The following KAZN variants were observed in gnomAD, a reference collection of about 807,000 sequenced individuals.
KAZN encodes the protein kazrin.
A neutral mutation model predicts 87.4 loss-of-function variants in KAZN; 40 were observed. The observed-to-expected ratio is 0.46, with a 90% CI of 0.36 to 0.60. The LOEUF (loss-of-function observed/expected upper bound fraction) is 0.60, where lower values mean the gene tolerates loss of function less well. Among genes scored for constraint, KAZN ranks in the 20% least tolerant of loss-of-function variants. The pLI is 0.00. For synonymous variants in KAZN, 466 were observed against 458.3 expected, an observed-to-expected ratio of 1.02 and a Z score of -0.22; for missense variants, 898 against 1,073.9, an observed-to-expected ratio of 0.84 and a Z score of 2.29.
intron 2 of KAZN, among the ~76,000 whole-genome samples, chr1:14,289,178 C>A (rs1653485580): frequency 6.6e-6 from 1 of 152,208 alleles, no homozygotes; most frequent in South Asian, 2.1e-4. Context: ...GTGGAGAGTT[C>A]TGTAGATGTC....
chr1:13,904,113 C>T (rs532540013), intron 1 of KAZN, among the ~76,000 whole-genome samples: 1 of 152,226 alleles, frequency 6.6e-6, no homozygotes, highest in African/African-American at 2.4e-5. Context: ...GAGCAGTTGT[C>T]TGAAAGGCTG....
At chr1:14,233,052 C>T (rs1301331735) in intron 2 of KAZN, among the ~76,000 whole-genome samples, 2 of 152,168 alleles carry the variant, frequency 1.3e-5, no homozygotes, top group Non-Finnish European at 2.9e-5. Context: ...TGGGGTCACT[C>T]TTGAGTTCTG....
chr1:14,417,325 G>A lies in KAZN; in HGVS notation c.250-181658G>A, dbSNP rs543727775. On this transcript the variant is annotated intron_variant, in intron 2 of 16. Coordinates refer to the KAZN transcript ENST00000636203. ...AATCCATTGCACCAGGCTACTGAGT[G>A]AACCCAATTGTTATCGAGAGCAAAA... Among the ~76,000 whole-genome samples the A allele has an allele frequency of 5.3e-5, 8 of 152,356 alleles. No homozygotes were observed. In the South Asian group the frequency reaches 1.7e-3, roughly 32 times the overall value.
intron 1 of KAZN, among the ~76,000 whole-genome samples, chr1:14,931,211 C>T (rs12563189): frequency 0.097 from 14,655 of 151,524 alleles, 916 homozygotes; most frequent in East Asian, 0.27. Context: ...CCGAAGCAGG[C>T]GGAGCACTTG....
chr1:14,905,707 G>A (rs1281494664), intron 1 of KAZN, among the ~76,000 whole-genome samples: 1 of 151,468 alleles, frequency 6.6e-6, no homozygotes, highest in Admixed American at 6.6e-5. Flanking sequence ...AGCTGGGCAT[G>A]GTGGCACGTG....
rs1666707345 is a variant in KAZN, at chr1:14,441,566, C to T, written c.250-157417C>T. ...AGGAACAGAGTTTGGAAAGCAGTGACTTATGCTGTTCTCATCAGATACGTT... is the reference window on the plus strand; with the variant it reads ...AGGAACAGAGTTTGGAAAGCAGTGATTTATGCTGTTCTCATCAGATACGTT... On this transcript the variant is annotated intron_variant, in intron 2 of 16. Coordinates refer to the KAZN transcript ENST00000636203. Among the ~76,000 whole-genome samples, 4 of 152,194 alleles carry T rather than the reference C, an allele frequency of 2.6e-5. No homozygotes were observed. In the South Asian group the frequency reaches 8.3e-4, roughly 32 times the overall value.
At chr1:14,452,281 C>A (rs897719230) in intron 2 of KAZN, among the ~76,000 whole-genome samples, 1 of 152,174 alleles carries the variant, frequency 6.6e-6, no homozygotes, top group Non-Finnish European at 1.5e-5. Context: ...TGGCCACTGA[C>A]CTGGCCAGGC....
intron 2 of KAZN, chr1:14,348,909 T>C (rs1440696420): frequency 1.3e-5 from 2 of 152,208 alleles, no homozygotes; most frequent in African/African-American, 2.4e-5. Context: ...GGACTAACAA[T>C]AGGTAGGTTG....
intron 1 of KAZN, among the ~76,000 whole-genome samples, chr1:14,675,354 C>G (rs752000666): frequency 2.0e-5 from 3 of 152,230 alleles, no homozygotes; most frequent in African/African-American, 7.2e-5. Context: ...CAGGGCAACC[C>G]TCAGACATCT....
chr1:14,473,463 C>T (rs1024304803), intron 2 of KAZN, among the ~76,000 whole-genome samples: 3 of 151,872 alleles, frequency 2.0e-5, no homozygotes, highest in South Asian at 2.1e-4. Context: ...CCCATCTCTA[C>T]GAAAAATACA....
intron 1 of KAZN, among the ~76,000 whole-genome samples, chr1:14,690,167 C>T (rs60336675): frequency 0.022 from 3,370 of 152,284 alleles, 139 homozygotes; most frequent in African/African-American, 0.078. Flanking sequence ...CGCCACACTC[C>T]GCCGCGGCAG....
chr1:14,652,481 G>GCCTGTCCATCCACCCACCCACCCA (rs1638460794), intron 1 of KAZN, among the ~76,000 whole-genome samples: 1 of 2,644 alleles, frequency 3.8e-4, no homozygotes, highest in African/African-American at 1.4e-3. Flanking sequence ...CCACCCACCC[G>GCCTGTCCATCCACCCACCCACCCA]CCCATCCACC....
intron 2 of KAZN, among the ~76,000 whole-genome samples, chr1:14,490,441 A>G (rs1356776132): frequency 6.6e-6 from 1 of 152,178 alleles, no homozygotes; most frequent in African/African-American, 2.4e-5. Context: ...GCCTGAGATT[A>G]ATGAACAACT....
intron 2 of KAZN, among the ~76,000 whole-genome samples, chr1:14,271,759 T>C (rs749899665): frequency 2.4e-4 from 37 of 152,200 alleles, no homozygotes; most frequent in Non-Finnish European, 5.0e-4. Context: ...CCATCCCTGA[T>C]TGGTTGATGT....
rs925352980 is a variant in KAZN at position 13,984,289 on chromosome 1, C to T, written c.91+90533C>T. 7.2e-5 allele frequency among the ~76,000 whole-genome samples: 11 copies of T among 152,272 alleles called. 1 individual carries two copies. The highest frequency in any genetic ancestry group is 2.6e-4 in the Admixed American group (4 of 15,308). ...CCTCCCAAAGTGCTGGGATTACAGGCGTGAGCCACCGCGCCCGGCCTATTT... is the reference window on the plus strand; with the variant it reads ...CCTCCCAAAGTGCTGGGATTACAGGTGTGAGCCACCGCGCCCGGCCTATTT... On this transcript the variant is annotated intron_variant, in intron 1 of 16. Transcript: ENST00000636203.
At chr1:14,240,610 G>A (rs1051176948) in intron 2 of KAZN, among the ~76,000 whole-genome samples, 1 of 152,202 alleles carries the variant, frequency 6.6e-6, no homozygotes, top group Non-Finnish European at 1.5e-5. Flanking sequence ...CCCCACTGCT[G>A]CTTCTGGGAC....
At chr1:15,042,684 C>G (rs1673041787) in intron 3 of KAZN, among the ~76,000 whole-genome samples, 1 of 152,218 alleles carries the variant, frequency 6.6e-6, no homozygotes, top group African/African-American at 2.4e-5. Flanking sequence ...CTCCCTCTGT[C>G]TCCAGAACCA....
intron 2 of KAZN, among the ~76,000 whole-genome samples, chr1:14,511,404 G>T (rs932326532): frequency 6.6e-6 from 1 of 152,156 alleles, no homozygotes; most frequent in Non-Finnish European, 1.5e-5. Flanking sequence ...TCAGGGAGTA[G>T]AAACTAGTAA....
chr1:14,514,482 T>TATA (rs1671155393), intron 2 of KAZN, among the ~76,000 whole-genome samples: 1 of 4,276 alleles, frequency 2.3e-4, no homozygotes, highest in African/African-American at 8.6e-4. Context: ...ATATTTTATA[T>TATA]AAATATTTAT....
Sources: gnomAD v4.1 joint callset for allele counts (sites outside exome capture counted in the v4.1 genomes callset) on GRCh38, gnomAD v4.1.1 for gene constraint, MANE v1.5 for transcripts, NCBI Gene and HGNC (gene_info 2026-07-23, HGNC 2026-07-21) for gene names.